The following CDC45 variants were observed in gnomAD, a reference collection of about 807,000 sequenced individuals.
CDC45 encodes cell division cycle 45, also known as cell division control protein 45 homolog.
CDC45 carries 54 observed loss-of-function variants against 77.8 expected under a neutral mutation model. The ratio of observed to expected loss-of-function variants is 0.69; its 90% CI spans 0.56 to 0.87. The LOEUF (loss-of-function observed/expected upper bound fraction) is 0.87, where lower values mean the gene tolerates loss of function less well. CDC45 is among the 40% of genes least tolerant of loss of function. The pLI, the probability that CDC45 is intolerant of heterozygous loss-of-function variation, is 0.00. For missense variants in CDC45, 649 were observed against 721.6 expected, an observed-to-expected ratio of 0.90 and a Z score of 1.15; for synonymous variants, 260 against 272.1, an observed-to-expected ratio of 0.96 and a Z score of 0.44.
At chr22:19,516,384 G>T in intron 15 of CDC45, 143 bp from the exon 16 acceptor site, 1 of 708,700 alleles carries the variant, frequency 1.4e-6, no homozygotes, top group East Asian at 2.5e-5. Flanking sequence ...TGGGGTGGCT[G>T]GGTGGGGACC....
At chr22:19,485,893 A>G (rs928705152) in intron 5 of CDC45, among the ~76,000 whole-genome samples, 11 of 152,342 alleles carry the variant, frequency 7.2e-5, no homozygotes, top group African/African-American at 2.6e-4. Context: ...CCTGGGCAAC[A>G]TGAAGAGAAC....
intron 13 of CDC45, among the ~76,000 whole-genome samples, chr22:19,514,276 C>A (rs1220067602): frequency 6.6e-6 from 1 of 152,194 alleles, no homozygotes; most frequent in Non-Finnish European, 1.5e-5. Context: ...CAGGAGCCAA[C>A]TGTGACACTT....
At chr22:19,485,091 T>A (rs1379305463) in intron 5 of CDC45, among the ~76,000 whole-genome samples, 3 of 152,148 alleles carry the variant, frequency 2.0e-5, no homozygotes, top group Non-Finnish European at 4.4e-5. Context: ...TTCTAATCTT[T>A]GGTTTGTGAG....
intron 5 of CDC45, among the ~76,000 whole-genome samples, chr22:19,485,294 G>C (rs1457674658): frequency 6.6e-6 from 1 of 152,180 alleles, no homozygotes; most frequent in African/African-American, 2.4e-5. Context: ...TATGTGCCAG[G>C]TACCAGTTAG....
intron 5 of CDC45, among the ~76,000 whole-genome samples, chr22:19,489,847 A>G (rs1158081915): frequency 6.6e-6 from 1 of 152,226 alleles, no homozygotes; most frequent in Non-Finnish European, 1.5e-5. Context: ...TTTTCTGGCT[A>G]GTAATACTTT....
At chr22:19,508,477 G>A (rs1933332186) in intron 12 of CDC45, 53 bp from the exon 13 acceptor site, 1 of 1,600,460 alleles carries the variant, frequency 6.2e-7, no homozygotes, top group Non-Finnish European at 8.6e-7. Flanking sequence ...CTGCCTGGCA[G>A]TGAGAGCTTG....
chr22:19,516,988 G>T (rs1310759733), intron 17 of CDC45, 95 bp downstream of exon 17: 2 of 1,042,994 alleles, frequency 1.9e-6, no homozygotes, highest in South Asian at 2.7e-5. Flanking sequence ...GGCTGGAGGA[G>T]CCTGGCCAGC....
At chr22:19,492,248 G>GT (rs947842629) in intron 5 of CDC45, among the ~76,000 whole-genome samples, 7 of 151,878 alleles carry the variant, frequency 4.6e-5, no homozygotes, top group East Asian at 1.9e-4. Flanking sequence ...AGAGGTTCTA[G>GT]TTTTTTTGGT....
At chr22:19,519,143 C>T (rs1240130726) in intron 18 of CDC45, among the ~76,000 whole-genome samples, 1 of 152,240 alleles carries the variant, frequency 6.6e-6, no homozygotes, top group East Asian at 1.9e-4. Context: ...GCGATCCCTT[C>T]AGAAAGAGCT....
chr22:19,481,003 G>T lies in CDC45; in HGVS notation c.162G>T (p.Gly54=). The change falls in exon 3 of 19, where the codon GGG becomes GGT. Residue 54 remains glycine (G), a synonymous_variant. Transcript: ENST00000263201. The part of the protein sequence containing the change: ...HVQYTLVPVS[G]WQELETAFLE... ...AATATACGCTGGTTCCAGTTTCTGG[G>T]TGGCAAGAACTTGAAACTGCATTTC... 1.2e-6 allele frequency: 2 copies of T among 1,613,822 alleles called. No individual in the cohort carries two copies. Among genetic ancestry groups the T allele is most frequent in the Non-Finnish European group, 1.7e-6 (2 of 1,179,822 alleles).
At chr22:19,485,249 TCTGA>T (rs1487998269) in intron 5 of CDC45, among the ~76,000 whole-genome samples, 3 of 152,230 alleles carry the variant, frequency 2.0e-5, no homozygotes, top group Non-Finnish European at 2.9e-5. Flanking sequence ...AATTTTCCAC[TCTGA>T]CTAATAAACA....
At chr22:19,507,242 C>A in intron 10 of CDC45, 144 bp from the exon 11 acceptor site, 1 of 933,700 alleles carries the variant, frequency 1.1e-6, no homozygotes, top group Admixed American at 2.3e-5. Flanking sequence ...GGTCAAAGGG[C>A]TCCAGGTCAC....
chr22:19,491,832 C>CTT (rs987000040), intron 5 of CDC45, among the ~76,000 whole-genome samples: 4 of 145,308 alleles, frequency 2.8e-5, no homozygotes, highest in African/African-American at 7.5e-5. Context: ...AGGTTTATGT[C>CTT]TTTTTTTTTT....
intron 8 of CDC45, among the ~76,000 whole-genome samples, chr22:19,498,146 C>A (rs1421702334): frequency 2.0e-5 from 3 of 152,104 alleles, no homozygotes; most frequent in African/African-American, 7.2e-5. Context: ...TACACTCCAG[C>A]CTGGGCGACA....
At chr22:19,495,928 G>T in intron 6 of CDC45, 53 bp from the exon 7 acceptor site, 1 of 1,217,112 alleles carries the variant, frequency 8.2e-7, no homozygotes, top group Non-Finnish European at 1.2e-6. Flanking sequence ...CAAAATATTT[G>T]GCTTCCTGTA....
Position 19,515,033 on chromosome 22 carries a change from G to A in CDC45, c.1425G>A (p.Lys475=). ...SLSLLSKHLL[K]SFVCSTKNRR... ...GCCTGCTCAGCAAACACCTGCTCAA[G>A]TCCTTTGTGTGTTCGGTGAGGGGCC... Residue 475 remains lysine (K), a synonymous_variant, in exon 15 of 19, where the codon AAG becomes AAA. Transcript: ENST00000263201. 6.2e-7 allele frequency: 1 copy of A among 1,607,822 alleles called. No homozygotes were observed. Among genetic ancestry groups the A allele is most frequent in the South Asian group, 1.1e-5 (1 of 90,596 alleles).
chr22:19,486,864 GA>G (rs1329883254), intron 5 of CDC45, among the ~76,000 whole-genome samples: 1 of 152,124 alleles, frequency 6.6e-6, no homozygotes. Flanking sequence ...TTTTAGTAGA[GA>G]CGGGGTTTCA....
chr22:19,486,380 T>C (rs1186916894), intron 5 of CDC45, among the ~76,000 whole-genome samples: 1 of 152,254 alleles, frequency 6.6e-6, no homozygotes, highest in Admixed American at 6.5e-5. Context: ...TTCTGAACTA[T>C]TCTCCAATCA....
chr22:19,493,670 C>T (rs867949148), intron 5 of CDC45, among the ~76,000 whole-genome samples: 1 of 152,274 alleles, frequency 6.6e-6, no homozygotes. Context: ...TCTTTAACTC[C>T]TGACCTCATG....
Sources: allele counts gnomAD v4.1 joint callset (sites outside exome capture counted in the v4.1 genomes callset), GRCh38; gene constraint gnomAD v4.1.1; transcripts MANE v1.5; gene names NCBI Gene and HGNC (gene_info 2026-07-23, HGNC 2026-07-21).